TTC17: variants seen among roughly 807,000 people sequenced by gnomAD.
TTC17 encodes tetratricopeptide repeat protein 17.
Under a neutral mutation model 143.8 loss-of-function variants are expected in TTC17, and 58 were observed. The ratio of observed to expected loss-of-function variants is 0.40; its 90% CI spans 0.33 to 0.50. The LOEUF is 0.50. TTC17 is among the 20% of genes least tolerant of loss of function. The pLI is 0.49. For missense variants in TTC17, 1,273 were observed against 1,392.5 expected, an observed-to-expected ratio of 0.91 and a Z score of 1.37; for synonymous variants, 501 against 497.8, an observed-to-expected ratio of 1.01 and a Z score of -0.09.
At chr11:43,427,074 AT>A (rs1947046299) in intron 16 of TTC17, among the ~76,000 whole-genome samples, 2 of 152,096 alleles carry the variant, frequency 1.3e-5, no homozygotes, top group Non-Finnish European at 2.9e-5. Context: ...CCAATACCAT[AT>A]TTTAAACTTT....
chr11:43,456,795 G>T (rs1947772103), intron 21 of TTC17, among the ~76,000 whole-genome samples: 1 of 152,190 alleles, frequency 6.6e-6, no homozygotes, highest in Admixed American at 6.5e-5. Context: ...GTTCCAGGTG[G>T]AATTAACAGA....
chr11:43,451,342 T>C, intron 21 of TTC17, 77 bp downstream of exon 21: 2 of 1,352,916 alleles, frequency 1.5e-6, no homozygotes, highest in Non-Finnish European at 2.1e-6. Flanking sequence ...CTCCTAAGTG[T>C]CTGTAACCTC....
intron 16 of TTC17, among the ~76,000 whole-genome samples, chr11:43,438,013 C>T (rs945778689): frequency 3.3e-5 from 5 of 152,192 alleles, no homozygotes; most frequent in East Asian, 3.9e-4. Context: ...AAGCCTTTTG[C>T]GCTTTCTGAT....
At chr11:43,440,142 C>T (rs1031983645) in intron 16 of TTC17, among the ~76,000 whole-genome samples, 5 of 152,142 alleles carry the variant, frequency 3.3e-5, no homozygotes, top group Admixed American at 6.5e-5. Context: ...AACCAGAATT[C>T]GGTATTTTCA....
intron 21 of TTC17, among the ~76,000 whole-genome samples, chr11:43,463,593 T>G (rs1245143940): frequency 3.3e-5 from 5 of 152,220 alleles, no homozygotes; most frequent in Non-Finnish European, 7.3e-5. Flanking sequence ...AACCATGTTC[T>G]TGCATGTGAA....
At chr11:43,425,668 G>A (rs1409047640) in intron 16 of TTC17, among the ~76,000 whole-genome samples, 1 of 152,094 alleles carries the variant, frequency 6.6e-6, no homozygotes, top group East Asian at 1.9e-4. Flanking sequence ...TGTGTATGCT[G>A]TTTGGGTTTT....
At chr11:43,403,089 C>A (rs1361228096) in intron 10 of TTC17, among the ~76,000 whole-genome samples, 1 of 151,866 alleles carries the variant, frequency 6.6e-6, no homozygotes, top group East Asian at 1.9e-4. Context: ...TAAAGAAGAC[C>A]AGATTCACAC....
At chr11:43,433,776 A>G (rs1947215132) in intron 16 of TTC17, among the ~76,000 whole-genome samples, 1 of 152,232 alleles carries the variant, frequency 6.6e-6, no homozygotes, top group South Asian at 2.1e-4. Flanking sequence ...ACTGGGTTCC[A>G]GTCTTAAATG....
intron 2 of TTC17, among the ~76,000 whole-genome samples, chr11:43,380,445 G>A (rs763781548): frequency 1.8e-4 from 28 of 152,072 alleles, no homozygotes; most frequent in African/African-American, 4.8e-4. Flanking sequence ...TAGTAGAGAC[G>A]GCTTTTGCCA....
intron 1 of TTC17, among the ~76,000 whole-genome samples, chr11:43,375,224 T>C (rs1856718361): frequency 6.6e-6 from 1 of 152,198 alleles, no homozygotes; most frequent in Non-Finnish European, 1.5e-5. Context: ...CAGCTGACCT[T>C]ACTGGAGTAG....
intron 16 of TTC17, among the ~76,000 whole-genome samples, chr11:43,434,639 A>G (rs576707666): frequency 2.0e-5 from 3 of 152,288 alleles, no homozygotes; most frequent in African/African-American, 4.8e-5. Context: ...AGTCCTGCCT[A>G]TTCTTTAAAA....
chr11:43,462,921 C>CATTTTTTTTTTTTTTTTTTTTT, intron 21 of TTC17, among the ~76,000 whole-genome samples: 1 of 117,760 alleles, frequency 8.5e-6, no homozygotes, highest in African/African-American at 4.0e-5. Context: ...TGACAAAATT[C>CATTTTTTTTTTTTTTTTTTTTT]TTTTTTTTTT....
chr11:43,370,860 G>A (rs1220600129), intron 1 of TTC17, among the ~76,000 whole-genome samples: 1 of 152,124 alleles, frequency 6.6e-6, no homozygotes, highest in Non-Finnish European at 1.5e-5. Context: ...AGTCTGCAGT[G>A]CAGTGGCACG....
At chr11:43,401,977 CAAAA>C (rs1183547167) in intron 10 of TTC17, among the ~76,000 whole-genome samples, 6 of 120,796 alleles carry the variant, frequency 5.0e-5, no homozygotes, top group South Asian at 5.4e-4. Context: ...GACTGTGTCT[CAAAA>C]AATAAATAAA....
At chr11:43,491,720 CAAG>C in intron 22 of TTC17, 1 of 331,430 alleles carries the variant, frequency 3.0e-6, no homozygotes, top group Non-Finnish European at 5.7e-6. Flanking sequence ...TGCAATGAGA[CAAG>C]GAGCTTCACC....
chr11:43,436,903 C>G lies in TTC17; in HGVS notation c.2252-6422C>G, dbSNP rs905554486. 3.3e-5 allele frequency among the ~76,000 whole-genome samples: 5 copies of G among 152,256 alleles called. No homozygotes were observed. The South Asian group carries it at 1.0e-3, about 32-fold the overall frequency. Reference sequence around the variant, plus strand: ...TCACTTGCTCTTAGCTTTCTTCTATCCACACATCATCTTTTAAAATTTCTT... The same window carrying G: ...TCACTTGCTCTTAGCTTTCTTCTATGCACACATCATCTTTTAAAATTTCTT... On this transcript the variant is annotated intron_variant, in intron 16 of 23. Coordinates refer to ENST00000039989, the MANE Select transcript of TTC17 (RefSeq NM_018259.6).
intron 16 of TTC17, chr11:43,436,400 T>G: frequency 4.1e-6 from 5 of 1,204,900 alleles, no homozygotes; most frequent in Non-Finnish European, 5.2e-6. Flanking sequence ...AAGCTTAGGC[T>G]TTTCTCTACT....
chr11:43,429,439 A>T (rs1378534343), intron 16 of TTC17, among the ~76,000 whole-genome samples: 1 of 152,126 alleles, frequency 6.6e-6, no homozygotes, highest in Non-Finnish European at 1.5e-5. Context: ...CCTCAGCTAT[A>T]CCTGTTACTC....
At chr11:43,463,509 T>A (rs1177825898) in intron 21 of TTC17, among the ~76,000 whole-genome samples, 1 of 140,906 alleles carries the variant, frequency 7.1e-6, no homozygotes, top group South Asian at 2.8e-4. Context: ...CCTTAGGCAA[T>A]TTTTTTTTTA....
Sources: allele counts gnomAD v4.1 joint callset (sites outside exome capture counted in the v4.1 genomes callset), GRCh38; gene constraint gnomAD v4.1.1; transcripts MANE v1.5; gene names NCBI Gene and HGNC (gene_info 2026-07-23, HGNC 2026-07-21).